The following TMEM183A variants were observed in gnomAD, a reference collection of about 807,000 sequenced individuals.
TMEM183A encodes the protein transmembrane protein 183A, also known as chromosome 1 open reading frame 37.
A neutral mutation model predicts 46.7 loss-of-function variants in TMEM183A; 21 were observed. That is an observed-to-expected ratio of 0.45 (90% CI 0.32 to 0.65). The LOEUF (loss-of-function observed/expected upper bound fraction) is 0.65. Ranked by LOEUF, TMEM183A falls within the 30% of genes least tolerant of loss-of-function variation. The pLI, the probability that TMEM183A is intolerant of heterozygous loss-of-function variation, is 0.04. For missense variants in TMEM183A, 331 were observed against 481.9 expected, an observed-to-expected ratio of 0.69 and a Z score of 2.93; for synonymous variants, 165 against 180.2, an observed-to-expected ratio of 0.92 and a Z score of 0.68.
chr1:203,018,688 C>A, intron 6 of TMEM183A, 127 bp downstream of exon 6: 2 of 1,100,770 alleles, frequency 1.8e-6, no homozygotes, highest in Non-Finnish European at 1.3e-6. Flanking sequence ...AAAGAACGAA[C>A]TTTATTTCTT....
At chr1:203,007,940 T>C in intron 2 of TMEM183A, 77 bp downstream of exon 2, 1 of 1,561,720 alleles carries the variant, frequency 6.4e-7, no homozygotes, top group South Asian at 1.1e-5. Context: ...TTTCTTGCAG[T>C]CCTTTAGTCG....
chr1:203,014,875 T>A lies in TMEM183A; in HGVS notation c.368-14T>A. 6.2e-7 allele frequency: 1 copy of A among 1,613,522 alleles called. No individual in the cohort carries two copies. Among genetic ancestry groups the A allele is most frequent in the African/African-American group, 1.3e-5 (1 of 74,998 alleles). ...GGTGTAGAAGATCAGAGATTATTCT[T>A]TTTTTTGTTTCAGAAGAACTGGACG... On this transcript the variant is annotated splice_polypyrimidine_tract_variant and intron_variant, in intron 3 of 7. Coordinates refer to ENST00000367242, the MANE Select transcript of TMEM183A (RefSeq NM_138391.6).
chr1:203,020,593 C>T (rs566504170), intron 6 of TMEM183A, among the ~76,000 whole-genome samples, 200 bp from the exon 7 acceptor site: 5 of 152,284 alleles, frequency 3.3e-5, no homozygotes, highest in Non-Finnish European at 5.9e-5. Flanking sequence ...AACCCATTGC[C>T]ACATTTGCTC....
chr1:203,024,538 TA>T lies in TMEM183A; in HGVS notation c.*1500del, dbSNP rs1415190397. ...GGAATATTCCTAGAAAGCATCTGCT[TA>T]ATTTTGCTGCTAACAGCTAACCTTA... On this transcript the variant is annotated 3_prime_UTR_variant, in exon 8 of 8. Transcript: ENST00000367242. 4 of 152,032 alleles carry T rather than the reference TA, an allele frequency of 2.6e-5. No homozygotes were observed. Among genetic ancestry groups the T allele is most frequent in the Non-Finnish European group, 5.9e-5 (4 of 68,008 alleles). The allele number at this position is 152,032 out of a possible 1,614,324, so 9.4% of individuals were successfully genotyped here. A position where few individuals can be genotyped will look rare whatever the true frequency, so the allele number is the denominator to read the frequency against.
intron 3 of TMEM183A, among the ~76,000 whole-genome samples, chr1:203,010,520 C>G (rs1039268791): frequency 1.3e-4 from 20 of 152,156 alleles, no homozygotes; most frequent in Non-Finnish European, 1.5e-5. Flanking sequence ...GCGGGAAAAG[C>G]CAAAATCTGA....
Position 203,022,737 on chromosome 1 carries a change from T to C in TMEM183A, c.946-118T>C, listed in dbSNP as rs1558047745. On this transcript the variant is annotated intron_variant, in intron 7 of 7. Coordinates refer to ENST00000367242, the MANE Select transcript of TMEM183A (RefSeq NM_138391.6). ...AAAAAAAGGTGTTTGTTTTATAATT[T>C]AGAGATTAATCTTGTGGCCTAGCCA... 2.9e-6 allele frequency: 4 copies of C among 1,397,174 alleles called. No homozygotes were observed. The African/African-American group carries it at 5.8e-5, about 20-fold the overall frequency. The allele number at this position is 1,397,174 out of a possible 1,614,324, so 86.5% of individuals were successfully genotyped here.
At chr1:203,022,581 T>C (rs972022164) in intron 7 of TMEM183A, among the ~76,000 whole-genome samples, 1 of 151,822 alleles carries the variant, frequency 6.6e-6, no homozygotes, top group African/African-American at 2.4e-5. Context: ...TGCACGCCTA[T>C]ATTCCTAGCT....
In TMEM183A at chr1:203,008,791, G is replaced by A. The variant is rs1028446953; in HGVS notation, c.348G>A (p.Lys116=). The change falls in exon 3 of 8, where the codon AAG becomes AAA. Residue 116 remains lysine (K), a synonymous_variant. Coordinates refer to ENST00000367242, the MANE Select transcript of TMEM183A (RefSeq NM_138391.6). ...SIHERTVSRK[K]KSKRHKEELD... is the part of the protein sequence containing the mutation. The stretch of plus-strand genomic sequence containing the variant: ...ATGAGAGAACTGTCTCCAGAAAAAA[G>A]AAAAGCAAGAGACACAAAGGTATGG... The A allele has an allele frequency of 1.2e-6, 2 of 1,606,572 alleles. No individual in the cohort carries two copies. Among genetic ancestry groups the A allele is most frequent in the African/African-American group, 1.3e-5 (1 of 74,350 alleles).
intron 6 of TMEM183A, among the ~76,000 whole-genome samples, chr1:203,019,257 A>G (rs1425883976): frequency 6.6e-6 from 1 of 152,222 alleles, no homozygotes; most frequent in Non-Finnish European, 1.5e-5. Flanking sequence ...TGGATAAGGG[A>G]TACTCAATCC....
In TMEM183A at chr1:203,021,168, G is replaced by A. The variant is rs544343004; in HGVS notation, c.945+220G>A. ...TTGCTTCAGCCTCCCAAGTAGTTAG[G>A]ACTACAGGTGTGCACCACCACCCCT... On this transcript the variant is annotated intron_variant, in intron 7 of 7. Coordinates refer to ENST00000367242, the MANE Select transcript of TMEM183A (RefSeq NM_138391.6). Among the ~76,000 whole-genome samples, 26 of 151,858 alleles carry A rather than the reference G, an allele frequency of 1.7e-4. 1 individual carries two copies. The South Asian group carries it at 3.1e-3, about 18-fold the overall frequency.
At chr1:203,014,787 C>A in intron 3 of TMEM183A, 102 bp from the exon 4 acceptor site, 1 of 1,484,474 alleles carries the variant, frequency 6.7e-7, no homozygotes. Flanking sequence ...CTATTTAAAA[C>A]CATTTTCTTA....
At chr1:203,022,718 A>AAAT in intron 7 of TMEM183A, 137 bp from the exon 8 acceptor site, 5 of 1,017,876 alleles carry the variant, frequency 4.9e-6, no homozygotes, top group Non-Finnish European at 7.1e-6. Context: ...AAAAAAAAAA[A>AAAT]GGTGTTTGTT....
At chr1:203,014,833 C>G (rs889861745) in intron 3 of TMEM183A, 56 bp from the exon 4 acceptor site, 5 of 1,591,114 alleles carry the variant, frequency 3.1e-6, no homozygotes, top group Non-Finnish European at 4.3e-6. Flanking sequence ...ATGAAATTAT[C>G]GAGTATCTTT....
chr1:203,018,628 T>G, intron 6 of TMEM183A, 67 bp downstream of exon 6: 9 of 1,541,316 alleles, frequency 5.8e-6, no homozygotes, highest in African/African-American at 1.4e-5. Context: ...GATATCTTTC[T>G]TAGTCTGTTT....
chr1:203,012,235 T>TCACACGCACA (rs1656715545), intron 3 of TMEM183A, among the ~76,000 whole-genome samples: 1 of 80,790 alleles, frequency 1.2e-5, no homozygotes, highest in Non-Finnish European at 2.4e-5. Flanking sequence ...CCCCACTCCA[T>TCACACGCACA]CACACACACA....
chr1:203,012,256 C>CACAT (rs1656722322), intron 3 of TMEM183A, among the ~76,000 whole-genome samples: 1 of 149,934 alleles, frequency 6.7e-6, no homozygotes, highest in Non-Finnish European at 1.5e-5. Context: ...CACACACACA[C>CACAT]ACACACACAC....
chr1:203,012,831 T>A (rs898681847), intron 3 of TMEM183A, among the ~76,000 whole-genome samples: 2 of 152,164 alleles, frequency 1.3e-5, no homozygotes, highest in African/African-American at 4.8e-5. Context: ...CTGGGCTTGA[T>A]TGATCCTTGC....
At chr1:203,015,311 G>T in intron 4 of TMEM183A, 1 of 502,116 alleles carries the variant, frequency 2.0e-6, no homozygotes. Flanking sequence ...GTCCCAGATA[G>T]AAGAGTCTTT....
At chr1:203,014,773 G>C (rs1181109671) in intron 3 of TMEM183A, 116 bp from the exon 4 acceptor site, 2 of 1,417,332 alleles carry the variant, frequency 1.4e-6, no homozygotes, top group African/African-American at 2.9e-5. Flanking sequence ...GGGTTTCCTT[G>C]GACCTATTTA....
Sources: allele counts gnomAD v4.1 joint callset (sites outside exome capture counted in the v4.1 genomes callset), GRCh38; gene constraint gnomAD v4.1.1; transcripts MANE v1.5; gene names NCBI Gene and HGNC (gene_info 2026-07-23, HGNC 2026-07-21).